The following SPATA22 variants were observed in gnomAD, a reference collection of about 807,000 sequenced individuals.
The protein encoded by SPATA22 is spermatogenesis-associated protein 22.
In SPATA22, 29 loss-of-function variants were observed where a neutral mutation model predicts 47.8. The ratio of observed to expected loss-of-function variants is 0.61; its 90% CI spans 0.45 to 0.83. The LOEUF is 0.83. SPATA22 is among the 40% of genes least tolerant of loss of function. The probability of loss-of-function intolerance (pLI) is 0.00; values close to 1 mark genes in which losing one functional copy is unlikely to be tolerated. For synonymous variants in SPATA22, 133 were observed against 140.9 expected (o/e 0.94, Z 0.40); for missense variants, 410 against 421.7 (o/e 0.97, Z 0.24).
At chr17:3,465,679 G>A (rs1420888191) in intron 3 of SPATA22, among the ~76,000 whole-genome samples, 1 of 150,952 alleles carries the variant, frequency 6.6e-6, no homozygotes, top group African/African-American at 2.4e-5. Context: ...GAAAACCAGA[G>A]ACCTTTGTTC....
intron 5 of SPATA22, among the ~76,000 whole-genome samples, chr17:3,460,970 T>C (rs1303634418): frequency 6.6e-6 from 1 of 152,130 alleles, no homozygotes; most frequent in African/African-American, 2.4e-5. Flanking sequence ...TAATTGTCCA[T>C]ATCCTAATAC....
chr17:3,449,836 C>T (rs2072815560), intron 5 of SPATA22, among the ~76,000 whole-genome samples: 2 of 151,976 alleles, frequency 1.3e-5, no homozygotes, highest in Admixed American at 1.3e-4. Flanking sequence ...GGAAACAAAA[C>T]TAGTCTAAGT....
intron 5 of SPATA22, among the ~76,000 whole-genome samples, chr17:3,449,417 G>C (rs2150702818): frequency 6.6e-6 from 1 of 152,198 alleles, no homozygotes; most frequent in African/African-American, 2.4e-5. Context: ...GGAAATACAA[G>C]ATCTCCCAAC....
chr17:3,440,246 G>C lies in SPATA22; in HGVS notation c.993C>G (p.Val331=). ...TTTGTTCAGAAACAGACGCCGGTCTGACAGAAACACATTGGAAAATGTTCT... is the reference window on the plus strand; with the variant it reads ...TTTGTTCAGAAACAGACGCCGGTCTCACAGAAACACATTGGAAAATGTTCT... ...QKKNIFQCVS[V]RPASVSEQKT... Residue 331 remains valine (V), a synonymous_variant, in exon 9 of 9, where the codon GTC becomes GTG. Coordinates refer to ENST00000572969, the MANE Select transcript of SPATA22 (RefSeq NM_001170698.2). 6.2e-7 allele frequency: 1 copy of C among 1,611,714 alleles called. No individual in the cohort carries two copies. The highest frequency in any genetic ancestry group is 8.5e-7 in the Non-Finnish European group (1 of 1,178,776).
intron 1 of SPATA22, among the ~76,000 whole-genome samples, chr17:3,495,884 G>C (rs1333864777): frequency 1.3e-5 from 2 of 151,850 alleles, no homozygotes; most frequent in Non-Finnish European, 2.9e-5. Context: ...GTGTTTTAAA[G>C]GAAAGGTAAA....
chr17:3,493,486 G>C (rs555638642), intron 1 of SPATA22, among the ~76,000 whole-genome samples: 1 of 150,756 alleles, frequency 6.6e-6, no homozygotes, highest in Admixed American at 6.6e-5. Flanking sequence ...GCTTGAACCC[G>C]GGAGGTGGAG....
intron 6 of SPATA22, among the ~76,000 whole-genome samples, chr17:3,448,186 A>C (rs1312464293): frequency 6.6e-6 from 1 of 152,230 alleles, no homozygotes; most frequent in Non-Finnish European, 1.5e-5. Context: ...AGACTATGAA[A>C]TATGAGGCTA....
At chr17:3,464,313 G>A (rs1297461694) in intron 3 of SPATA22, among the ~76,000 whole-genome samples, 45 of 150,906 alleles carry the variant, frequency 3.0e-4, no homozygotes, top group Non-Finnish European at 4.5e-4. Context: ...GTGCAGTGGC[G>A]TGATCTCGGC....
intron 1 of SPATA22, chr17:3,501,493 A>G (rs921280136): frequency 6.5e-6 from 1 of 153,236 alleles, no homozygotes; most frequent in Non-Finnish European, 1.5e-5. Flanking sequence ...ACTTGAATGG[A>G]TGAGGAGTCG....
At chr17:3,467,329 A>G in intron 3 of SPATA22, 97 bp downstream of exon 3, 1 of 1,040,166 alleles carries the variant, frequency 9.6e-7, no homozygotes, top group East Asian at 2.8e-5. Context: ...GAAAGAAGAA[A>G]AAATAAACTT....
chr17:3,506,226 G>T (rs1597456173), intron 1 of SPATA22, among the ~76,000 whole-genome samples: 1 of 152,184 alleles, frequency 6.6e-6, no homozygotes, highest in African/African-American at 2.4e-5. Flanking sequence ...GACTGAGAGG[G>T]TCACTCAGAG....
chr17:3,485,259 C>T lies in SPATA22; in HGVS notation c.-73-15861G>A, dbSNP rs542601942. 2.9e-3 allele frequency among the ~76,000 whole-genome samples: 444 copies of T among 152,328 alleles called. 3 individuals are homozygous for T. The highest frequency in any genetic ancestry group is 4.2e-3 in the Non-Finnish European group (283 of 68,030). On this transcript the variant is annotated intron_variant, in intron 1 of 8. Transcript: ENST00000541913. This position sits in a 1 kb window ranked among gnomAD's most constrained non-coding sequence, Gnocchi z 4.4. ...CTCCTGATTCAAGCGATCCTCCCAC[C>T]TTGGCCTCCCAAAGTGCTGGGATTA...
At position 3,490,698 on chromosome 17, in the gene SPATA22, A is replaced by G. The variant is rs1403183289; in HGVS notation, c.-73-21300T>C. ...TTGAGAAGATCACAACATACTTACA[A>G]TAAACCCTCTGAATAGGAAGTGTGG... On this transcript the variant is annotated intron_variant, in intron 1 of 8. Coordinates refer to the SPATA22 transcript ENST00000541913. This position sits in a 1 kb window ranked among gnomAD's most constrained non-coding sequence, Gnocchi z 4.6. Among the ~76,000 whole-genome samples, 2 of 152,218 alleles carry G rather than the reference A, an allele frequency of 1.3e-5. No individual in the cohort carries two copies. Among genetic ancestry groups the G allele is most frequent in the Non-Finnish European group, 2.9e-5 (2 of 68,038 alleles).
At chr17:3,444,689 T>C (rs532910072) in intron 7 of SPATA22, among the ~76,000 whole-genome samples, 1 of 152,174 alleles carries the variant, frequency 6.6e-6, no homozygotes, top group African/African-American at 2.4e-5. Context: ...GTTGCGTGAA[T>C]AATTCTCTAT....
rs188066133 is a variant in SPATA22 at position 3,485,198 on chromosome 17, T to C, written c.-73-15800A>G. Among the ~76,000 whole-genome samples the C allele has an allele frequency of 2.8e-4, 43 of 152,208 alleles. No individual in the cohort carries two copies. The highest frequency in any genetic ancestry group is 4.9e-4 in the Non-Finnish European group (33 of 68,010). On this transcript the variant is annotated intron_variant, in intron 1 of 8. Coordinates refer to the SPATA22 transcript ENST00000541913. The surrounding 1 kb of genome is among the most constrained non-coding windows in gnomAD (Gnocchi z 4.4). ...CACATTCAGCTAATTTTTTATTTTTTGTAGAGACAGGATCTCAGTATGATC... is the reference window on the plus strand; with the variant it reads ...CACATTCAGCTAATTTTTTATTTTTCGTAGAGACAGGATCTCAGTATGATC...
intron 1 of SPATA22, among the ~76,000 whole-genome samples, chr17:3,491,420 T>C (rs1030534399): frequency 3.3e-5 from 5 of 152,098 alleles, no homozygotes; most frequent in Non-Finnish European, 5.9e-5. Flanking sequence ...AAGGAGAGCA[T>C]TGAGAATGTT....
intron 1 of SPATA22, among the ~76,000 whole-genome samples, chr17:3,478,500 A>G (rs2073570738): frequency 6.6e-6 from 1 of 152,218 alleles, no homozygotes; most frequent in African/African-American, 2.4e-5. Flanking sequence ...CTATTGACCT[A>G]AGAGAGCTGT....
At chr17:3,460,537 C>G (rs971259186) in intron 5 of SPATA22, among the ~76,000 whole-genome samples, 3 of 151,940 alleles carry the variant, frequency 2.0e-5, no homozygotes, top group Admixed American at 6.6e-5. Flanking sequence ...GCCTGTAATC[C>G]CAGCACTTTG....
At chr17:3,511,595 A>G (rs1488855511) in intron 1 of SPATA22, 1 of 152,242 alleles carries the variant, frequency 6.6e-6, no homozygotes, top group African/African-American at 2.4e-5. Context: ...TGGGGTGGAC[A>G]CTGTTGGGAA....
Sources: gnomAD v4.1 joint callset for allele counts (sites outside exome capture counted in the v4.1 genomes callset) on GRCh38, gnomAD v4.1.1 for gene constraint, Gnocchi (gnomAD v3.1) non-coding constraint, MANE v1.5 for transcripts, NCBI Gene and HGNC (gene_info 2026-07-23, HGNC 2026-07-21) for gene names.